SSH2: variants seen among roughly 807,000 people sequenced by gnomAD.
SSH2 encodes slingshot protein phosphatase 2.
A neutral mutation model predicts 135.2 loss-of-function variants in SSH2; 37 were observed. The observed-to-expected ratio is 0.27, with a 90% confidence interval of 0.21 to 0.36. The LOEUF is 0.36. Ranked by LOEUF, SSH2 falls within the 10% of genes least tolerant of loss-of-function variation. The pLI is 1.00. For synonymous variants in SSH2, 628 were observed against 646.2 expected (o/e 0.97, Z 0.43); for missense variants, 1,408 against 1,765.3 (o/e 0.80, Z 3.63).
intron 14 of SSH2, among the ~76,000 whole-genome samples, chr17:29,637,352 GC>G: frequency 6.6e-6 from 1 of 152,202 alleles, no homozygotes; most frequent in South Asian, 2.1e-4. Flanking sequence ...GCCCACATTG[GC>G]CCCCCACCAC....
intron 2 of SSH2, among the ~76,000 whole-genome samples, chr17:29,826,421 A>G (rs1378677496): frequency 6.6e-6 from 1 of 152,212 alleles, no homozygotes; most frequent in African/African-American, 2.4e-5. Context: ...ACAAATGCAA[A>G]CGATGACTAC....
intron 1 of SSH2, among the ~76,000 whole-genome samples, chr17:29,919,571 C>T (rs1161730015): frequency 6.6e-6 from 1 of 152,154 alleles, no homozygotes; most frequent in Non-Finnish European, 1.5e-5. Flanking sequence ...ATGAGATCAC[C>T]TGCACAAAAT....
At chr17:29,682,883 G>A (rs1266523623) in intron 6 of SSH2, among the ~76,000 whole-genome samples, 1 of 152,118 alleles carries the variant, frequency 6.6e-6, no homozygotes, top group Non-Finnish European at 1.5e-5. Context: ...CCTAAATCTG[G>A]TTTACAAGCC....
At chr17:29,711,705 T>C (rs1352197057) in intron 3 of SSH2, among the ~76,000 whole-genome samples, 1 of 152,160 alleles carries the variant, frequency 6.6e-6, no homozygotes, top group Non-Finnish European at 1.5e-5. Context: ...GAAGCTGGAA[T>C]GTGGCTTACA....
At chr17:29,724,469 A>C (rs2039922354) in intron 3 of SSH2, among the ~76,000 whole-genome samples, 1 of 135,512 alleles carries the variant, frequency 7.4e-6, no homozygotes, top group Non-Finnish European at 1.6e-5. Flanking sequence ...CGGAGGTTAC[A>C]GTGAGCCAAG....
intron 3 of SSH2, among the ~76,000 whole-genome samples, chr17:29,772,110 T>G (rs1037485616): frequency 6.8e-5 from 2 of 29,432 alleles, no homozygotes; most frequent in Non-Finnish European, 1.2e-4. Context: ...AAGATGTGGT[T>G]TTTTTTTTTC....
At chr17:29,686,705 G>A (rs1161167740) in intron 5 of SSH2, among the ~76,000 whole-genome samples, 1 of 151,426 alleles carries the variant, frequency 6.6e-6, no homozygotes, top group Non-Finnish European at 1.5e-5. Context: ...GTCTCCCTCT[G>A]TCACCCAGGC....
intron 3 of SSH2, among the ~76,000 whole-genome samples, chr17:29,747,126 T>G (rs941422116): frequency 4.6e-5 from 7 of 152,202 alleles, no homozygotes; most frequent in African/African-American, 1.7e-4. Flanking sequence ...TTGTGAATAA[T>G]TATCTCACGT....
intron 4 of SSH2, 71 bp downstream of exon 4, chr17:29,702,888 G>A (rs1223050677): frequency 4.4e-6 from 5 of 1,127,792 alleles, no homozygotes; most frequent in South Asian, 1.2e-5. Context: ...TGGGGATGAG[G>A]TAGTCAACCT....
At chr17:29,642,928 T>G (rs866312057) in intron 14 of SSH2, among the ~76,000 whole-genome samples, 2 of 152,232 alleles carry the variant, frequency 1.3e-5, no homozygotes, top group African/African-American at 4.8e-5. Context: ...AGGGCCACCC[T>G]GGATAACCAT....
At chr17:29,651,403 C>T (rs1443743268) in intron 12 of SSH2, among the ~76,000 whole-genome samples, 1 of 152,230 alleles carries the variant, frequency 6.6e-6, no homozygotes, top group Non-Finnish European at 1.5e-5. Flanking sequence ...ACTCATTTGA[C>T]TGCATTACTG....
intron 1 of SSH2, among the ~76,000 whole-genome samples, chr17:29,852,725 T>C (rs751513918): frequency 6.6e-6 from 1 of 151,586 alleles, no homozygotes; most frequent in Admixed American, 6.6e-5. Context: ...TAATTTTTTG[T>C]ATTTTTAGTA....
rs1195036353 is a variant in SSH2, at chr17:29,630,523, A to C, written c.*318T>G. ...GAAACCATGCCTTTTCTCAGAGGGC[A>C]AAATGAGAAGCAGGTGGCAGCTGAC... On this transcript the variant is annotated 3_prime_UTR_variant, in exon 16 of 16. Transcript: ENST00000540801. 5.5e-6 allele frequency: 1 copy of C among 182,000 alleles called. No individual in the cohort carries two copies. The highest frequency in any genetic ancestry group is 2.3e-5 in the African/African-American group (1 of 42,556). 11.3% of individuals were successfully genotyped at this position (182,000 alleles called of 1,614,324 possible). A position where few individuals can be genotyped will look rare whatever the true frequency, so the allele number is the denominator to read the frequency against.
intron 2 of SSH2, among the ~76,000 whole-genome samples, chr17:29,814,553 T>C (rs956034557): frequency 1.3e-5 from 2 of 152,096 alleles, no homozygotes; most frequent in African/African-American, 4.8e-5. Flanking sequence ...GACCATGTTT[T>C]TGATACCTTA....
chr17:29,914,643 G>A (rs1415992849), intron 1 of SSH2, among the ~76,000 whole-genome samples: 1 of 151,600 alleles, frequency 6.6e-6, no homozygotes, highest in African/African-American at 2.4e-5. Context: ...TAAATGAAGA[G>A]CCAATTATTT....
At chr17:29,792,381 T>C (rs2042085043) in intron 3 of SSH2, among the ~76,000 whole-genome samples, 1 of 152,186 alleles carries the variant, frequency 6.6e-6, no homozygotes, top group Non-Finnish European at 1.5e-5. Context: ...ATAAGAATTA[T>C]TTTTTCATTC....
chr17:29,723,030 G>A (rs984024715), intron 3 of SSH2, among the ~76,000 whole-genome samples: 1 of 152,124 alleles, frequency 6.6e-6, no homozygotes, highest in Non-Finnish European at 1.5e-5. Flanking sequence ...ACTCAAATAA[G>A]GAGACCTTAA....
chr17:29,871,845 C>T (rs936867210), intron 1 of SSH2, among the ~76,000 whole-genome samples: 6 of 151,768 alleles, frequency 4.0e-5, no homozygotes, highest in South Asian at 2.1e-4. Flanking sequence ...ACCTATTAGT[C>T]GATTACAGAA....
rs5819875 is a variant in SSH2, at chr17:29,879,373, G to GT, written c.64-30445dup. Among the ~76,000 whole-genome samples the GT allele has an allele frequency of 8.2e-3, 1,119 of 135,990 alleles. 3 individuals carry two copies. The highest frequency in any genetic ancestry group is 9.4e-3 in the Non-Finnish European group (596 of 63,256). The allele number at this position is 135,990 out of a possible 152,430, so 89.2% of individuals were successfully genotyped here. A position where few individuals can be genotyped will look rare whatever the true frequency, so the allele number is the denominator to read the frequency against. On this transcript the variant is annotated intron_variant, in intron 1 of 15. Coordinates refer to ENST00000540801, the MANE Select transcript of SSH2 (RefSeq NM_001282129.2). Reference sequence around the variant, plus strand: ...CTTCTCAGGAACAGTGCTTTCTGCTGTTTTTTTTTTTTTTTTTAATAAACT... The same window carrying GT: ...CTTCTCAGGAACAGTGCTTTCTGCTGTTTTTTTTTTTTTTTTTTAATAAACT...
Sources: gnomAD v4.1 joint callset for allele counts (sites outside exome capture counted in the v4.1 genomes callset) on GRCh38, gnomAD v4.1.1 for gene constraint, MANE v1.5 for transcripts, NCBI Gene and HGNC (gene_info 2026-07-23, HGNC 2026-07-21) for gene names.